The following ELAVL1 variants were observed in gnomAD, a reference collection of about 807,000 sequenced individuals.
ELAVL1 encodes the protein ELAV like RNA binding protein 1.
A neutral mutation model predicts 28.4 loss-of-function variants in ELAVL1; 1 was observed. The observed-to-expected ratio is 0.04, with a 90% CI of 0.01 to 0.17. The LOEUF is 0.17. ELAVL1 is among the 10% of genes least tolerant of loss of function. The pLI is 1.00. For synonymous variants in ELAVL1, 174 were observed against 183.5 expected, an observed-to-expected ratio of 0.95 and a Z score of 0.42; for missense variants, 157 against 447.2, an observed-to-expected ratio of 0.35 and a Z score of 5.85.
At chr19:7,975,243 T>C (rs1985248240) in intron 3 of ELAVL1, among the ~76,000 whole-genome samples, 1 of 152,168 alleles carries the variant, frequency 6.6e-6, no homozygotes, top group African/African-American at 2.4e-5. Flanking sequence ...CAGACCTGTC[T>C]GGACTGGGGC....
chr19:7,982,042 C>T lies in ELAVL1; in HGVS notation c.173-856G>A, dbSNP rs1370613481. The stretch of plus-strand genomic sequence containing the variant: ...AGCCCTGCCAGACAGTGGGGGAGAA[C>T]CAGGTTCACAGGCAGATGTCCCTGT... On this transcript the variant is annotated intron_variant, in intron 2 of 5. Coordinates refer to ENST00000407627, the MANE Select transcript of ELAVL1 (RefSeq NM_001419.3). This position sits in a 1 kb window ranked among gnomAD's most constrained non-coding sequence, Gnocchi z 4.3. Among the ~76,000 whole-genome samples, 1 of 152,166 alleles carries T rather than the reference C, an allele frequency of 6.6e-6. No individual in the cohort carries two copies.
rs372525627 is a variant in ELAVL1, at chr19:7,967,557, C to T, written c.656+8G>A. On this transcript the variant is annotated splice_region_variant and intron_variant, in intron 5 of 5. Coordinates refer to ENST00000407627, the MANE Select transcript of ELAVL1 (RefSeq NM_001419.3). ...TGGCTTTCAGGAGCGCGCACCCTCCCGACCCACCTGAATCTCTGCGCCTGG... is the reference window on the plus strand; with the variant it reads ...TGGCTTTCAGGAGCGCGCACCCTCCTGACCCACCTGAATCTCTGCGCCTGG... 9.9e-6 allele frequency: 16 copies of T among 1,613,014 alleles called. No homozygotes were observed. Among genetic ancestry groups the T allele is most frequent in the Admixed American group, 5.0e-5 (3 of 59,956 alleles).
intron 5 of ELAVL1, among the ~76,000 whole-genome samples, chr19:7,964,920 T>C (rs904463255): frequency 6.6e-6 from 1 of 152,220 alleles, no homozygotes; most frequent in African/African-American, 2.4e-5. Flanking sequence ...AGAGAAGCAT[T>C]ACCTGCTCCA....
chr19:7,964,042 C>T (rs1443112679), intron 5 of ELAVL1, among the ~76,000 whole-genome samples: 1 of 152,102 alleles, frequency 6.6e-6, no homozygotes. Flanking sequence ...TGGTTGGTGC[C>T]CTCCACTCCT....
In ELAVL1 at chr19:7,988,848, G is replaced by A. The variant is rs192471285; in HGVS notation, c.172+2796C>T. 9.3e-3 allele frequency among the ~76,000 whole-genome samples: 1,414 copies of A among 152,274 alleles called. 17 individuals carry two copies. The highest frequency in any genetic ancestry group is 0.013 in the Non-Finnish European group (917 of 68,020). ...GGAAGGAATTCCTTTCAAGACACTC[G>A]AAGCCCAGGAAAAGTGGGCACTTGG... On this transcript the variant is annotated intron_variant, in intron 2 of 5. Transcript: ENST00000407627.
chr19:7,967,572 T>G lies in ELAVL1; in HGVS notation c.649A>C (p.Arg217=). 1 of 1,613,822 alleles carries G rather than the reference T, an allele frequency of 6.2e-7. No individual in the cohort carries two copies. Among genetic ancestry groups the G allele is most frequent in the South Asian group, 1.1e-5 (1 of 91,068 alleles). ...FGGPVHHQAQ[R]FRFSPMGVDH... is the part of the protein sequence containing the mutation. The stretch of plus-strand genomic sequence containing the variant: ...CGCACCCTCCCGACCCACCTGAATC[T>G]CTGCGCCTGGTGGTGAACGGGGCCT... The change falls in exon 5 of 6, where the codon AGA becomes CGA. Residue 217 remains arginine, a synonymous_variant. Coordinates refer to ENST00000407627, the MANE Select transcript of ELAVL1 (RefSeq NM_001419.3).
At chr19:8,003,258 G>A (rs1360087236) in intron 1 of ELAVL1, among the ~76,000 whole-genome samples, 4 of 150,258 alleles carry the variant, frequency 2.7e-5, no homozygotes, top group African/African-American at 4.9e-5. Context: ...ACGTGGTGGC[G>A]GCTGCCTGTA....
chr19:7,981,945 C>T lies in ELAVL1; in HGVS notation c.173-759G>A, dbSNP rs981382337. 6.6e-6 allele frequency among the ~76,000 whole-genome samples: 1 copy of T among 152,144 alleles called. No individual in the cohort carries two copies. The highest frequency in any genetic ancestry group is 2.4e-5 in the African/African-American group (1 of 41,432). On this transcript the variant is annotated intron_variant, in intron 2 of 5. Coordinates refer to ENST00000407627, the MANE Select transcript of ELAVL1 (RefSeq NM_001419.3). This position sits in a 1 kb window ranked among gnomAD's most constrained non-coding sequence, Gnocchi z 4.2. ...CCACCACCAGTTCCATTTACCTTTCCAAGCCTGAGACCAGCCCGACCCCGC... is the reference window on the plus strand; with the variant it reads ...CCACCACCAGTTCCATTTACCTTTCTAAGCCTGAGACCAGCCCGACCCCGC...
At chr19:7,973,377 C>A (rs930518774) in intron 4 of ELAVL1, 2 of 379,764 alleles carry the variant, frequency 5.3e-6, no homozygotes, top group East Asian at 3.9e-5. Context: ...ACTACAGGCG[C>A]CCGCCACCAT....
chr19:7,964,907 T>C (rs1984914093), intron 5 of ELAVL1, among the ~76,000 whole-genome samples: 1 of 152,204 alleles, frequency 6.6e-6, no homozygotes, highest in Admixed American at 6.5e-5. Context: ...GCGTGATGCA[T>C]GCAGAGAAGC....
intron 2 of ELAVL1, 58 bp downstream of exon 2, chr19:7,991,586 C>G: frequency 1.3e-6 from 2 of 1,535,930 alleles, no homozygotes; most frequent in Middle Eastern, 1.8e-4. Context: ...GCAAAGGAGA[C>G]AGTGCCCAAA....
chr19:7,994,207 G>A (rs1297682912), intron 1 of ELAVL1, among the ~76,000 whole-genome samples: 45 of 151,858 alleles, frequency 3.0e-4, no homozygotes, highest in Non-Finnish European at 1.5e-5. Context: ...TAGACCTGTG[G>A]TTTTCACACT....
intron 2 of ELAVL1, among the ~76,000 whole-genome samples, chr19:7,983,821 G>A (rs1386306408): frequency 2.0e-5 from 3 of 152,096 alleles, no homozygotes; most frequent in Non-Finnish European, 4.4e-5. Flanking sequence ...CATCTCCCAG[G>A]TGCTGGGTGA....
chr19:7,984,113 G>A (rs1036684678), intron 2 of ELAVL1, among the ~76,000 whole-genome samples: 4 of 152,106 alleles, frequency 2.6e-5, no homozygotes, highest in Non-Finnish European at 5.9e-5. Context: ...ACATCACCGA[G>A]GGAGTCGCAC....
chr19:7,980,508 C>T (rs576703249), intron 3 of ELAVL1, among the ~76,000 whole-genome samples: 1 of 152,254 alleles, frequency 6.6e-6, no homozygotes, highest in East Asian at 1.9e-4. Flanking sequence ...GGACCTGCAA[C>T]TCATCCCAGG....
At chr19:7,971,880 C>A (rs892968837) in intron 4 of ELAVL1, among the ~76,000 whole-genome samples, 4 of 152,230 alleles carry the variant, frequency 2.6e-5, no homozygotes, top group Non-Finnish European at 5.9e-5. Flanking sequence ...CACCCCAAAG[C>A]ACGCAGCTCA....
intron 2 of ELAVL1, among the ~76,000 whole-genome samples, chr19:7,983,663 C>T (rs920804839): frequency 1.3e-5 from 2 of 152,170 alleles, no homozygotes; most frequent in East Asian, 1.9e-4. Flanking sequence ...TCCTTGGCTG[C>T]GGCGCCTCAG....
chr19:7,962,856 C>T lies in ELAVL1; in HGVS notation c.*627G>A, dbSNP rs907336881. 6.5e-6 allele frequency: 1 copy of T among 152,816 alleles called. No homozygotes were observed. The highest frequency in any genetic ancestry group is 2.4e-5 in the African/African-American group (1 of 41,488). The allele number at this position is 152,816 out of a possible 1,614,324, so 9.5% of individuals were successfully genotyped here. A position where few individuals can be genotyped will look rare whatever the true frequency, so the allele number is the denominator to read the frequency against. ...TTACGAAACACGTTTGTGTCCTTCT[C>T]TGGAGGGCCCGCCCAGCATGCAGCC... On this transcript the variant is annotated 3_prime_UTR_variant, in exon 6 of 6. Transcript: ENST00000407627.
chr19:7,998,226 C>T (rs1455720063), intron 1 of ELAVL1, among the ~76,000 whole-genome samples: 3 of 152,178 alleles, frequency 2.0e-5, no homozygotes, highest in Non-Finnish European at 4.4e-5. Context: ...AGCTTCTATC[C>T]CACAAGCTCC....
Sources: allele counts gnomAD v4.1 joint callset (sites outside exome capture counted in the v4.1 genomes callset), GRCh38; gene constraint gnomAD v4.1.1; non-coding constraint Gnocchi (gnomAD v3.1); transcripts MANE v1.5; gene names NCBI Gene and HGNC (gene_info 2026-07-23, HGNC 2026-07-21).